FAM163B: variants seen among roughly 807,000 people sequenced by gnomAD.
FAM163B encodes family with sequence similarity 163 member B.
Under a neutral mutation model 7.6 loss-of-function variants are expected in FAM163B, and 4 were observed. The ratio of observed to expected loss-of-function variants is 0.52; its 90% CI spans 0.26 to 1.20. The LOEUF is 1.20. FAM163B is among the 50% of genes most tolerant of loss of function. FAM163B has a pLI of 0.14. For synonymous variants in FAM163B, 120 were observed against 111.6 expected (o/e 1.07, Z -0.47); for missense variants, 250 against 243.0 (o/e 1.03, Z -0.19).
chr9:133,598,734 C>G (rs746342267), intron 1 of FAM163B, among the ~76,000 whole-genome samples: 3 of 152,118 alleles, frequency 2.0e-5, no homozygotes, highest in East Asian at 3.9e-4. Flanking sequence ...TATATCTCCC[C>G]AGAGAGAGCA....
chr9:133,591,691 C>T (rs1057452396), intron 1 of FAM163B, among the ~76,000 whole-genome samples: 10 of 152,290 alleles, frequency 6.6e-5, no homozygotes, highest in Middle Eastern at 3.4e-3. Context: ...GCAGCGGGCG[C>T]GGGGAGCACA....
At position 133,580,227 on chromosome 9, in the gene FAM163B, C is replaced by A; in HGVS notation, c.-4G>T. ...TGACCACGGTCCCGGCTGTCATCCG[C>A]CCCCTTCTCCATCAACAGCCTGCAA... On this transcript the variant is annotated 5_prime_UTR_variant, in exon 2 of 3. Coordinates refer to ENST00000673969, the MANE Select transcript of FAM163B (RefSeq NM_001080515.3). 6.2e-7 allele frequency: 1 copy of A among 1,613,006 alleles called. No homozygotes were observed. The highest frequency in any genetic ancestry group is 1.1e-5 in the South Asian group (1 of 91,040).
In FAM163B at chr9:133,604,885, C is replaced by T. The variant is rs149294330; in HGVS notation, c.-24+4192G>A. Reference sequence around the variant, plus strand: ...TAGGATGATTTCAAAAGAGAGAGGACGGTTCTCCAGAGACCCGGGACCTGC... The same window carrying T: ...TAGGATGATTTCAAAAGAGAGAGGATGGTTCTCCAGAGACCCGGGACCTGC... On this transcript the variant is annotated intron_variant, in intron 1 of 2. Coordinates refer to ENST00000673969, the MANE Select transcript of FAM163B (RefSeq NM_001080515.3). Among the ~76,000 whole-genome samples, 781 of 152,334 alleles carry T rather than the reference C, an allele frequency of 5.1e-3. 9 individuals carry two copies. The highest frequency in any genetic ancestry group is 0.018 in the African/African-American group (744 of 41,578).
rs146412644 is a variant in FAM163B at position 133,589,351 on chromosome 9, A to G, written c.-23-9105T>C. ...GACAGCCAAGGCAAAGATTATTATT[A>G]TGCCCATTTTACAGACAAGGAAACA... On this transcript the variant is annotated intron_variant, in intron 1 of 2. Transcript: ENST00000673969. Among the ~76,000 whole-genome samples, 239 of 152,356 alleles carry G rather than the reference A, an allele frequency of 1.6e-3. 2 individuals are homozygous for G. Among genetic ancestry groups the G allele is most frequent in the African/African-American group, 5.5e-3 (228 of 41,584 alleles).
intron 1 of FAM163B, among the ~76,000 whole-genome samples, 164 bp from the exon 2 acceptor site, chr9:133,580,410 A>G (rs1245570067): frequency 1.3e-5 from 2 of 152,220 alleles, no homozygotes; most frequent in African/African-American, 4.8e-5. Flanking sequence ...GCAGGAGCCC[A>G]GGTCCTGCTC....
Position 133,600,515 on chromosome 9 carries a change from T to A in FAM163B, c.-24+8562A>T, listed in dbSNP as rs150793146. Among the ~76,000 whole-genome samples the A allele has an allele frequency of 0.012, 1,768 of 152,200 alleles. 45 individuals are homozygous for A. Among genetic ancestry groups the A allele is most frequent in the African/African-American group, 0.041 (1,688 of 41,506 alleles). The stretch of plus-strand genomic sequence containing the variant: ...CCCAGATGGCCCCTGCAGCTGGGCC[T>A]CTAGATTCCTGCAGTTCATTTAAAG... On this transcript the variant is annotated intron_variant, in intron 1 of 2. Transcript: ENST00000673969. This position sits in a 1 kb window ranked among gnomAD's most constrained non-coding sequence, Gnocchi z 4.9.
chr9:133,594,885 G>A (rs1254384031), intron 1 of FAM163B, among the ~76,000 whole-genome samples: 1 of 152,150 alleles, frequency 6.6e-6, no homozygotes, highest in Non-Finnish European at 1.5e-5. Flanking sequence ...GGCAGGGCAA[G>A]GCAGGACCTG....
At position 133,601,404 on chromosome 9, in the gene FAM163B, T is replaced by G. The variant is rs965628255; in HGVS notation, c.-24+7673A>C. Reference sequence around the variant, plus strand: ...TTTTAAACGAGTGGAGGTGTGCTGTTGAAAGGGTCTGTCTTGCAGGTGAGA... The same window carrying G: ...TTTTAAACGAGTGGAGGTGTGCTGTGGAAAGGGTCTGTCTTGCAGGTGAGA... On this transcript the variant is annotated intron_variant, in intron 1 of 2. Coordinates refer to ENST00000673969, the MANE Select transcript of FAM163B (RefSeq NM_001080515.3). The surrounding 1 kb of genome is among the most constrained non-coding windows in gnomAD (Gnocchi z 4.1). Among the ~76,000 whole-genome samples, 5 of 152,208 alleles carry G rather than the reference T, an allele frequency of 3.3e-5. No homozygotes were observed. The highest frequency in any genetic ancestry group is 1.2e-4 in the African/African-American group (5 of 41,444).
intron 1 of FAM163B, among the ~76,000 whole-genome samples, chr9:133,588,607 GGA>G (rs1341311743): frequency 6.6e-6 from 1 of 152,318 alleles, no homozygotes; most frequent in Non-Finnish European, 1.5e-5. Context: ...GAGGGATCTA[GGA>G]TGCTGAAGGA....
At chr9:133,591,945 G>T (rs1195995012) in intron 1 of FAM163B, among the ~76,000 whole-genome samples, 1 of 152,194 alleles carries the variant, frequency 6.6e-6, no homozygotes, top group Non-Finnish European at 1.5e-5. Context: ...CTTTCCAGGT[G>T]ACTGGCTCCT....
At chr9:133,588,438 T>G (rs904406822) in intron 1 of FAM163B, among the ~76,000 whole-genome samples, 3 of 151,418 alleles carry the variant, frequency 2.0e-5, no homozygotes, top group Middle Eastern at 3.4e-3. Context: ...GGCCTGAAGT[T>G]GCCACCTTTG....
rs1831262189 is a variant in FAM163B, at chr9:133,577,242, G to C, written c.*1780C>G. 6.6e-6 allele frequency among the ~76,000 whole-genome samples: 1 copy of C among 152,160 alleles called. No individual in the cohort carries two copies. Among genetic ancestry groups the C allele is most frequent in the African/African-American group, 2.4e-5 (1 of 41,440 alleles). On this transcript the variant is annotated 3_prime_UTR_variant, in exon 3 of 3. Transcript: ENST00000673969. ...AGGATGGAGACCAGAAAGGAATTGG[G>C]AAATGGAATCATGAGGGCTGGGCCC... is the stretch of plus-strand genomic sequence containing the variant.
intron 1 of FAM163B, among the ~76,000 whole-genome samples, chr9:133,595,407 C>T (rs892641904): frequency 2.6e-5 from 4 of 152,208 alleles, no homozygotes; most frequent in Non-Finnish European, 5.9e-5. Context: ...CCTCGGCCTC[C>T]CAAAGTGCTG....
At chr9:133,598,300 G>A (rs1420608385) in intron 1 of FAM163B, among the ~76,000 whole-genome samples, 1 of 152,000 alleles carries the variant, frequency 6.6e-6, no homozygotes, top group Non-Finnish European at 1.5e-5. Context: ...CGAGCATGGG[G>A]TGGAACAAGG....
At chr9:133,603,302 C>T (rs983612334) in intron 1 of FAM163B, among the ~76,000 whole-genome samples, 2 of 152,192 alleles carry the variant, frequency 1.3e-5, no homozygotes, top group South Asian at 2.1e-4. Context: ...CGCATCCCAC[C>T]GCAGCCGGCC....
chr9:133,586,670 G>T (rs1831443242), intron 1 of FAM163B, among the ~76,000 whole-genome samples: 1 of 150,662 alleles, frequency 6.6e-6, no homozygotes, highest in African/African-American at 2.5e-5. Flanking sequence ...GCAGATTGTG[G>T]TGCCCAGGGG....
At chr9:133,605,632 C>T (rs527544500) in intron 1 of FAM163B, among the ~76,000 whole-genome samples, 16 of 152,318 alleles carry the variant, frequency 1.1e-4, no homozygotes, top group African/African-American at 3.6e-4. Flanking sequence ...AACATCCAGC[C>T]CAGTGGGATG....
intron 1 of FAM163B, among the ~76,000 whole-genome samples, chr9:133,608,327 G>A (rs1271087531): frequency 6.6e-6 from 1 of 152,238 alleles, no homozygotes; most frequent in Non-Finnish European, 1.5e-5. Context: ...GTGGCTGCGG[G>A]AGGACAGGAC....
intron 1 of FAM163B, among the ~76,000 whole-genome samples, chr9:133,590,572 G>A (rs1677704820): frequency 6.6e-6 from 1 of 152,152 alleles, no homozygotes; most frequent in South Asian, 2.1e-4. Context: ...CACCAAAATG[G>A]CCCAGCACCT....
Sources: gnomAD v4.1 joint callset for allele counts (sites outside exome capture counted in the v4.1 genomes callset) on GRCh38, gnomAD v4.1.1 for gene constraint, Gnocchi (gnomAD v3.1) non-coding constraint, MANE v1.5 for transcripts, NCBI Gene and HGNC (gene_info 2026-07-23, HGNC 2026-07-21) for gene names.